TTC22: variants seen among roughly 807,000 people sequenced by gnomAD.
TTC22 encodes tetratricopeptide repeat domain 22, also known as tetratricopeptide repeat protein 22.
A neutral mutation model predicts 48.2 loss-of-function variants in TTC22; 42 were observed. The ratio of observed to expected loss-of-function variants is 0.87; its 90% confidence interval spans 0.68 to 1.13. The LOEUF is 1.13. TTC22 is among the 50% of genes most tolerant of loss of function. The probability of loss-of-function intolerance (pLI) is 0.00; values close to 1 mark genes in which losing one functional copy is unlikely to be tolerated. For synonymous variants in TTC22, 345 were observed against 365.5 expected, an observed-to-expected ratio of 0.94 and a Z score of 0.64; for missense variants, 784 against 807.0, an observed-to-expected ratio of 0.97 and a Z score of 0.34.
chr1:54,784,153 C>T (rs1646282952), intron 5 of TTC22, among the ~76,000 whole-genome samples: 1 of 152,134 alleles, frequency 6.6e-6, no homozygotes. Flanking sequence ...GAGGCCCAGG[C>T]CAGTAGGGTT....
At position 54,781,591 on chromosome 1, in the gene TTC22, G is replaced by A. The variant is rs922744513; in HGVS notation, c.1362C>T (p.Cys454=). ...CGTCCAGCTCCACTGCGCGCTTGAA[G>A]CAGGCGGCCGCGTTGGCGTCCTCGC... ...IKGEDANAAA[C]FKRAVELDDA... is the part of the protein sequence containing the mutation. The change falls in exon 7 of 7, where the codon TGC becomes TGT. Residue 454 remains cysteine, a synonymous_variant. Transcript: ENST00000371276. The A allele has an allele frequency of 3.3e-6, 5 of 1,524,168 alleles. No homozygotes were observed. The African/African-American group carries it at 5.6e-5, about 17-fold the overall frequency. The allele number at this position is 1,524,168 out of a possible 1,614,324, so 94.4% of individuals were successfully genotyped here. A position where few individuals can be genotyped will look rare whatever the true frequency, so the allele number is the denominator to read the frequency against.
intron 5 of TTC22, chr1:54,785,145 G>A (rs1036949381): frequency 4.0e-5 from 8 of 198,430 alleles, no homozygotes; most frequent in South Asian, 2.8e-4. Flanking sequence ...CCCGTAGCAC[G>A]TGGTGTTGTG....
At chr1:54,785,817 A>C (rs1390248740) in intron 5 of TTC22, among the ~76,000 whole-genome samples, 166 bp downstream of exon 5, 1 of 152,238 alleles carries the variant, frequency 6.6e-6, no homozygotes, top group Non-Finnish European at 1.5e-5. Flanking sequence ...GTCTCAAAAC[A>C]AACAAAAAAC....
At position 54,781,249 on chromosome 1, in the gene TTC22, T is replaced by C. The variant is rs947710853; in HGVS notation, c.1704A>G (p.Ser568=). 4 of 1,466,162 alleles carry C rather than the reference T, an allele frequency of 2.7e-6. No homozygotes were observed. In the African/African-American group the frequency reaches 4.5e-5, roughly 16 times the overall value. 90.8% of individuals were successfully genotyped at this position (1,466,162 alleles called of 1,614,324 possible). A position where few individuals can be genotyped will look rare whatever the true frequency, so the allele number is the denominator to read the frequency against. ...ASAPRDRRAV[S]F is the part of the protein sequence containing the mutation. The stretch of plus-strand genomic sequence containing the variant: ...CGGCCTGGGCACCTGAGCCCTAGAA[T>C]GAGACAGCCCGGCGGTCCCGCGGCG... Residue 568 remains serine (S), a synonymous_variant, in exon 7 of 7, where the codon TCA becomes TCG. Coordinates refer to ENST00000371276, the MANE Select transcript of TTC22 (RefSeq NM_001114108.2).
In TTC22 at chr1:54,780,146, C is replaced by T. The variant is rs1413672339; in HGVS notation, c.*1097G>A. ...AAAAAGGATTCTACGACTATGATTC[C>T]AAGAGTGTAAAATTCCAAGATGTTC... On this transcript the variant is annotated 3_prime_UTR_variant, in exon 7 of 7. Coordinates refer to ENST00000371276, the MANE Select transcript of TTC22 (RefSeq NM_001114108.2). 2 of 151,956 alleles carry T rather than the reference C, an allele frequency of 1.3e-5. No homozygotes were observed. Among genetic ancestry groups the T allele is most frequent in the Non-Finnish European group, 2.9e-5 (2 of 68,040 alleles). The allele number at this position is 151,956 out of a possible 1,614,324, so 9.4% of individuals were successfully genotyped here. A position where few individuals can be genotyped will look rare whatever the true frequency, so the allele number is the denominator to read the frequency against.
At position 54,787,852 on chromosome 1, in the gene TTC22, G is replaced by T. The variant is rs779595743; in HGVS notation, c.624-26C>A. On this transcript the variant is annotated intron_variant, in intron 2 of 6. Coordinates refer to ENST00000371276, the MANE Select transcript of TTC22 (RefSeq NM_001114108.2). Reference sequence around the variant, plus strand: ...CTGTGGCCGAGAAGGAGATGTGGTTGGGTGGCACCCCTCCCGGCTGTCCTG... The same window carrying T: ...CTGTGGCCGAGAAGGAGATGTGGTTTGGTGGCACCCCTCCCGGCTGTCCTG... 94 of 1,576,456 alleles carry T rather than the reference G, an allele frequency of 6.0e-5. 1 individual carries two copies. The South Asian group carries it at 8.9e-4, about 15-fold the overall frequency.
In TTC22 at chr1:54,780,854, A is replaced by T; in HGVS notation, c.*389T>A. On this transcript the variant is annotated 3_prime_UTR_variant, in exon 7 of 7. Coordinates refer to ENST00000371276, the MANE Select transcript of TTC22 (RefSeq NM_001114108.2). ...TAGAGTGTGGCCTACCGGAGTCCAA[A>T]GACAGGCACTCAGGCCTGAGGGATT... is the stretch of plus-strand genomic sequence containing the variant. 1 of 166,988 alleles carries T rather than the reference A, an allele frequency of 6.0e-6. No individual in the cohort carries two copies. The highest frequency in any genetic ancestry group is 1.3e-5 in the Non-Finnish European group (1 of 78,190). 10.3% of individuals were successfully genotyped at this position (166,988 alleles called of 1,614,324 possible). A position where few individuals can be genotyped will look rare whatever the true frequency, so the allele number is the denominator to read the frequency against.
In TTC22 at chr1:54,781,073, T is replaced by G; in HGVS notation, c.*170A>C. 2 of 460,744 alleles carry G rather than the reference T, an allele frequency of 4.3e-6. No homozygotes were observed. Among genetic ancestry groups the G allele is most frequent in the Non-Finnish European group, 3.7e-6 (1 of 273,912 alleles). The allele number at this position is 460,744 out of a possible 1,614,324, so 28.5% of individuals were successfully genotyped here. A position where few individuals can be genotyped will look rare whatever the true frequency, so the allele number is the denominator to read the frequency against. ...CAGGCCTTCCAGTCTGGGTGGGCGT[T>G]TCAAACCGCGCGGGTGTCGCAACAT... is the stretch of plus-strand genomic sequence containing the variant. On this transcript the variant is annotated 3_prime_UTR_variant, in exon 7 of 7. Coordinates refer to ENST00000371276, the MANE Select transcript of TTC22 (RefSeq NM_001114108.2).
Position 54,801,268 on chromosome 1 carries a change from G to C in TTC22, c.-105C>G. On this transcript the variant is annotated 5_prime_UTR_variant, in exon 1 of 7. Transcript: ENST00000371276. Reference sequence around the variant, plus strand: ...AGCTCCGTGCGGGAGGCGAGGGGCAGCCGGCAGAGGCCCCGGGCGCTGCGG... The same window carrying C: ...AGCTCCGTGCGGGAGGCGAGGGGCACCCGGCAGAGGCCCCGGGCGCTGCGG... 1.7e-6 allele frequency: 2 copies of C among 1,185,918 alleles called. No homozygotes were observed. Among genetic ancestry groups the C allele is most frequent in the South Asian group, 2.8e-5 (2 of 71,714 alleles). 73.5% of individuals were successfully genotyped at this position (1,185,918 alleles called of 1,614,324 possible). A position where few individuals can be genotyped will look rare whatever the true frequency, so the allele number is the denominator to read the frequency against.
At chr1:54,787,207 CAG>C in intron 3 of TTC22, 132 bp from the exon 4 acceptor site, 1 of 559,206 alleles carries the variant, frequency 1.8e-6, no homozygotes, top group Non-Finnish European at 3.1e-6. Flanking sequence ...GAGGGCAACA[CAG>C]GGACAGAGAG....
Position 54,786,160 on chromosome 1 carries a change from G to C in TTC22, c.859-16C>G. ...TCTCAATGGCCTAGGTAAGGGAGGA[G>C]TGCAAAAACAAACCACTTGCTTGGT... On this transcript the variant is annotated splice_polypyrimidine_tract_variant and intron_variant, in intron 4 of 6. Coordinates refer to ENST00000371276, the MANE Select transcript of TTC22 (RefSeq NM_001114108.2). 1.2e-6 allele frequency: 2 copies of C among 1,612,520 alleles called. No homozygotes were observed. The highest frequency in any genetic ancestry group is 1.7e-6 in the Non-Finnish European group (2 of 1,179,126).
Position 54,800,762 on chromosome 1 carries a change from C to T in TTC22, c.402G>A (p.Glu134=). The part of the protein sequence containing the change: ...ARLADLMGLA[E]EPEAAGDPQL... ...GGGGGTCCCCGGCGGCCTCGGGCTCCTCTGCCAGGCCCATGAGGTCGGCCA... is the reference window on the plus strand; with the variant it reads ...GGGGGTCCCCGGCGGCCTCGGGCTCTTCTGCCAGGCCCATGAGGTCGGCCA... Residue 134 remains glutamate, a synonymous_variant, in exon 1 of 7, where the codon GAG becomes GAA. Coordinates refer to ENST00000371276, the MANE Select transcript of TTC22 (RefSeq NM_001114108.2). 1 of 1,551,812 alleles carries T rather than the reference C, an allele frequency of 6.4e-7. No homozygotes were observed. The highest frequency in any genetic ancestry group is 8.7e-7 in the Non-Finnish European group (1 of 1,151,494).
At position 54,801,175 on chromosome 1, in the gene TTC22, C is replaced by G; in HGVS notation, c.-12G>C. On this transcript the variant is annotated 5_prime_UTR_variant, in exon 1 of 7. Coordinates refer to ENST00000371276, the MANE Select transcript of TTC22 (RefSeq NM_001114108.2). Reference sequence around the variant, plus strand: ...TCCAGCTCCGCCATGACTGCTCCCTCTGCTCCCCTGGCCTCACCCTTGTCC... The same window carrying G: ...TCCAGCTCCGCCATGACTGCTCCCTGTGCTCCCCTGGCCTCACCCTTGTCC... The G allele has an allele frequency of 6.2e-7, 1 of 1,609,366 alleles. No homozygotes were observed.
At chr1:54,783,548 C>G (rs927329651) in intron 5 of TTC22, among the ~76,000 whole-genome samples, 1 of 152,128 alleles carries the variant, frequency 6.6e-6, no homozygotes, top group Non-Finnish European at 1.5e-5. Flanking sequence ...ACTGAGAATA[C>G]AGTAGACAAC....
At chr1:54,795,758 C>T (rs1240119781) in intron 1 of TTC22, among the ~76,000 whole-genome samples, 1 of 152,208 alleles carries the variant, frequency 6.6e-6, no homozygotes, top group East Asian at 1.9e-4. Context: ...GCTTCTGTAT[C>T]TATGAGGAGG....
chr1:54,797,510 C>T (rs1646401316), intron 1 of TTC22, among the ~76,000 whole-genome samples: 1 of 152,058 alleles, frequency 6.6e-6, no homozygotes, highest in African/African-American at 2.4e-5. Context: ...TAGCCAGGCA[C>T]GATGACAGGT....
At chr1:54,797,029 C>T (rs1009350787) in intron 1 of TTC22, among the ~76,000 whole-genome samples, 9 of 152,098 alleles carry the variant, frequency 5.9e-5, no homozygotes, top group Non-Finnish European at 1.0e-4. Flanking sequence ...CTTATGTGCC[C>T]CTGCCTGGTG....
chr1:54,786,258 T>C, intron 4 of TTC22, 114 bp from the exon 5 acceptor site: 1 of 992,504 alleles, frequency 1.0e-6, no homozygotes, highest in South Asian at 1.5e-5. Context: ...ATCAACATGG[T>C]GCCCTTTACC....
rs1165210292 is a variant in TTC22, at chr1:54,781,473, C to A, written c.1480G>T (p.Gly494Cys). The A allele has an allele frequency of 6.8e-7, 1 of 1,469,424 alleles. No individual in the cohort carries two copies. The highest frequency in any genetic ancestry group is 8.9e-7 in the Non-Finnish European group (1 of 1,120,032). 91.0% of individuals were successfully genotyped at this position (1,469,424 alleles called of 1,614,324 possible). A position where few individuals can be genotyped will look rare whatever the true frequency, so the allele number is the denominator to read the frequency against. Reference protein sequence around the residue: ...SQAQLSDGELGREVDAWLRRA... With the variant: ...SQAQLSDGELCREVDAWLRRA... Reference sequence around the variant, plus strand: ...CGCAGCCAGGCGTCCACCTCGCGGCCCAGCTCCCCGTCGCTCAGCTGTGCC... The same window carrying A: ...CGCAGCCAGGCGTCCACCTCGCGGCACAGCTCCCCGTCGCTCAGCTGTGCC... The change falls in exon 7 of 7, where the codon GGC becomes TGC. Residue 494 changes from glycine to cysteine, a missense_variant. By Grantham distance (159) the Gly-to-Cys change is radical (BLOSUM62 -3). Transcript: ENST00000371276.
Sources: allele counts gnomAD v4.1 joint callset (sites outside exome capture counted in the v4.1 genomes callset), GRCh38; gene constraint gnomAD v4.1.1; transcripts MANE v1.5; gene names NCBI Gene and HGNC (gene_info 2026-07-23, HGNC 2026-07-21).